Variants in PCDHGB2 observed in about 807,000 individuals in gnomAD.
PCDHGB2 encodes protocadherin gamma subfamily B, 2.
PCDHGB2 carries 55 observed loss-of-function variants against 59.3 expected under a neutral mutation model. The ratio of observed to expected loss-of-function variants is 0.93; its 90% confidence interval spans 0.75 to 1.16. PCDHGB2 has a LOEUF of 1.16. PCDHGB2 is among the 50% of genes most tolerant of loss of function. The probability of loss-of-function intolerance (pLI) is 0.00; values close to 1 mark genes in which losing one functional copy is unlikely to be tolerated. For synonymous variants in PCDHGB2, 516 were observed against 512.0 expected (o/e 1.01, Z -0.11); for missense variants, 1,228 against 1,198.5 (o/e 1.02, Z -0.36).
intron 2 of PCDHGB2, among the ~76,000 whole-genome samples, chr5:141,501,802 C>T (rs2099811151): frequency 1.3e-5 from 2 of 152,154 alleles, no homozygotes; most frequent in Non-Finnish European, 2.9e-5. Context: ...ATCTCTTACC[C>T]AGCTTCACAT....
intron 1 of PCDHGB2, chr5:141,419,030 C>G (rs1178461733): frequency 5.0e-6 from 8 of 1,613,768 alleles, no homozygotes; most frequent in Non-Finnish European, 6.8e-6. Context: ...TAGAGGTGTT[C>G]CATTTAAGAT....
chr5:141,374,455 G>T, intron 1 of PCDHGB2: 2 of 1,613,610 alleles, frequency 1.2e-6, no homozygotes, highest in Non-Finnish European at 1.7e-6. Context: ...TGGAAATAGT[G>T]GACATTAATG....
chr5:141,415,828 G>T, intron 1 of PCDHGB2: 1 of 1,293,336 alleles, frequency 7.7e-7, no homozygotes, highest in East Asian at 2.8e-5. Flanking sequence ...ATAAGGCTTT[G>T]TTATGATTAG....
rs540147412 is a variant in PCDHGB2 at position 141,381,240 on chromosome 5, G to A, written c.2421+18684G>A. 4.6e-5 allele frequency among the ~76,000 whole-genome samples: 7 copies of A among 152,318 alleles called. No homozygotes were observed. The South Asian group carries it at 1.4e-3, about 32-fold the overall frequency. ...TCCTGGTTCCACCAACTACTCTCCA[G>A]GACCTAGAAGAATTTACAAACCAAG... On this transcript the variant is annotated intron_variant, in intron 1 of 3. Coordinates refer to ENST00000522605, the MANE Select transcript of PCDHGB2 (RefSeq NM_018923.3).
chr5:141,477,224 G>C lies in PCDHGB2; in HGVS notation c.2422-17583G>C. 6.2e-7 allele frequency: 1 copy of C among 1,614,200 alleles called. No individual in the cohort carries two copies. The highest frequency in any genetic ancestry group is 8.5e-7 in the Non-Finnish European group (1 of 1,180,046). Reference sequence around the variant, plus strand: ...ACCCGAGGATGCCCCTCTGGGGACTGTCATCGCTTTGCTCAGTGTGACTGA... The same window carrying C: ...ACCCGAGGATGCCCCTCTGGGGACTCTCATCGCTTTGCTCAGTGTGACTGA... On this transcript the variant is annotated intron_variant, in intron 1 of 3. Transcript: ENST00000522605. The surrounding 1 kb of genome is among the most constrained non-coding windows in gnomAD (Gnocchi z 4.9).
At chr5:141,380,772 CTT>C (rs1776732495) in intron 1 of PCDHGB2, among the ~76,000 whole-genome samples, 1 of 152,070 alleles carries the variant, frequency 6.6e-6, no homozygotes, top group Admixed American at 6.6e-5. Context: ...TTAATTGAGA[CTT>C]TTTTAAAACA....
intron 1 of PCDHGB2, chr5:141,364,802 C>T (rs1312102403): frequency 6.2e-7 from 1 of 1,614,006 alleles, no homozygotes; most frequent in Non-Finnish European, 8.5e-7. Context: ...TCCCTTCGCG[C>T]GGGATGCGGA....
rs753050855 is a variant in PCDHGB2 at position 141,375,684 on chromosome 5, C to T, written c.2421+13128C>T. 4 of 1,614,272 alleles carry T rather than the reference C, an allele frequency of 2.5e-6. No individual in the cohort carries two copies. In the South Asian group the frequency reaches 4.4e-5, roughly 18 times the overall value. On this transcript the variant is annotated intron_variant, in intron 1 of 3. Coordinates refer to ENST00000522605, the MANE Select transcript of PCDHGB2 (RefSeq NM_018923.3). The stretch of plus-strand genomic sequence containing the variant: ...AGAGACCTACAGCTGTGGGTGACAG[C>T]CAGCGACAGCGGGGACCCGCCTCTT...
intron 1 of PCDHGB2, chr5:141,430,853 C>A: frequency 6.3e-7 from 1 of 1,587,214 alleles, no homozygotes; most frequent in Non-Finnish European, 8.6e-7. Flanking sequence ...CACCCAGATA[C>A]GCTATTCAGT....
rs1340366910 is a variant in PCDHGB2 at position 141,490,965 on chromosome 5, C to T, written c.2422-3842C>T. The T allele has an allele frequency of 2.5e-6, 4 of 1,613,738 alleles. No homozygotes were observed. The highest frequency in any genetic ancestry group is 2.7e-5 in the African/African-American group (2 of 74,934). On this transcript the variant is annotated intron_variant, in intron 1 of 3. Transcript: ENST00000522605. This position sits in a 1 kb window ranked among gnomAD's most constrained non-coding sequence, Gnocchi z 5.4. Reference sequence around the variant, plus strand: ...CACGGCCAGACTGGGAACACTCAGCCCCCCAGCGTCTCCCTCGCTCTGCTC... The same window carrying T: ...CACGGCCAGACTGGGAACACTCAGCTCCCCAGCGTCTCCCTCGCTCTGCTC...
intron 1 of PCDHGB2, chr5:141,398,588 T>C: frequency 1.9e-6 from 3 of 1,614,010 alleles, no homozygotes; most frequent in African/African-American, 1.3e-5. Flanking sequence ...AGATTTATAC[T>C]AGAAGTAGCA....
At position 141,485,671 on chromosome 5, in the gene PCDHGB2, G is replaced by T; in HGVS notation, c.2422-9136G>T. On this transcript the variant is annotated intron_variant, in intron 1 of 3. Coordinates refer to ENST00000522605, the MANE Select transcript of PCDHGB2 (RefSeq NM_018923.3). This position sits in a 1 kb window ranked among gnomAD's most constrained non-coding sequence, Gnocchi z 5.7. The stretch of plus-strand genomic sequence containing the variant: ...AGGATGCAGATGTGGGGAGCAATTC[G>T]ATTAGCAGCTATAGGCTGAGCTCCA... 6.2e-7 allele frequency: 1 copy of T among 1,612,860 alleles called. No homozygotes were observed. The highest frequency in any genetic ancestry group is 8.5e-7 in the Non-Finnish European group (1 of 1,179,040).
At position 141,430,860 on chromosome 5, in the gene PCDHGB2, C is replaced by G. The variant is rs773955533; in HGVS notation, c.2422-63947C>G. ...ACCGGATGCACCCAGATACGCTATTCAGTTCCGGAAGAGCTGGAGAAAGGC... is the reference window on the plus strand; with the variant it reads ...ACCGGATGCACCCAGATACGCTATTGAGTTCCGGAAGAGCTGGAGAAAGGC... On this transcript the variant is annotated intron_variant, in intron 1 of 3. Transcript: ENST00000522605. 4 of 1,592,382 alleles carry G rather than the reference C, an allele frequency of 2.5e-6. No individual in the cohort carries two copies. In the South Asian group the frequency reaches 4.6e-5, roughly 18 times the overall value.
rs752708726 is a variant in PCDHGB2 at position 141,413,991 on chromosome 5, C to T, written c.2421+51435C>T. 1.9e-6 allele frequency: 3 copies of T among 1,613,494 alleles called. No homozygotes were observed. The East Asian group carries it at 6.7e-5, about 36-fold the overall frequency. ...AGCTGCTGACAGTCACAGCCACCGA[C>T]AGGGACGAAGGTGCCAATGGAGAAG... On this transcript the variant is annotated intron_variant, in intron 1 of 3. Coordinates refer to ENST00000522605, the MANE Select transcript of PCDHGB2 (RefSeq NM_018923.3).
At chr5:141,421,079 T>A (rs2096545177) in intron 1 of PCDHGB2, 1 of 630,528 alleles carries the variant, frequency 1.6e-6, no homozygotes, top group Non-Finnish European at 2.7e-6. Context: ...AGATGGATAC[T>A]CACAGATCCT....
chr5:141,428,199 C>T (rs760718878), intron 1 of PCDHGB2: 28 of 1,364,510 alleles, frequency 2.1e-5, no homozygotes, highest in Non-Finnish European at 2.9e-5. Flanking sequence ...CTCTCTGCGC[C>T]GCTACGCTTC....
At chr5:141,365,801 C>G in intron 1 of PCDHGB2, 1 of 1,613,966 alleles carries the variant, frequency 6.2e-7, no homozygotes, top group Non-Finnish European at 8.5e-7. Context: ...CACCTACTCC[C>G]TGGCTGAAGA....
chr5:141,365,153 G>A, intron 1 of PCDHGB2: 1 of 1,613,872 alleles, frequency 6.2e-7, no homozygotes, highest in Non-Finnish European at 8.5e-7. Flanking sequence ...GGGAATAAAC[G>A]GGAAATTGAC....
Position 141,371,934 on chromosome 5 carries a change from G to T in PCDHGB2, c.2421+9378G>T, listed in dbSNP as rs1024560538. On this transcript the variant is annotated intron_variant, in intron 1 of 3. Coordinates refer to ENST00000522605, the MANE Select transcript of PCDHGB2 (RefSeq NM_018923.3). The stretch of plus-strand genomic sequence containing the variant: ...GTCCGTGAGCGCGCGGAGCGGGGTG[G>T]TGTTCGCGCAGCGAGCCTTCGACCA... The T allele has an allele frequency of 3.1e-6, 5 of 1,613,324 alleles. No individual in the cohort carries two copies. In the Admixed American group the frequency reaches 8.3e-5, roughly 27 times the overall value.
Sources: allele counts gnomAD v4.1 joint callset (sites outside exome capture counted in the v4.1 genomes callset), GRCh38; gene constraint gnomAD v4.1.1; non-coding constraint Gnocchi (gnomAD v3.1); transcripts MANE v1.5; gene names NCBI Gene and HGNC (gene_info 2026-07-23, HGNC 2026-07-21).